The following SPACA7 variants were observed in gnomAD, a reference collection of about 807,000 sequenced individuals.
SPACA7 encodes the protein sperm acrosome-associated protein 7.
Under a neutral mutation model 26.3 loss-of-function variants are expected in SPACA7, and 19 were observed. The observed-to-expected ratio is 0.72, with a 90% CI of 0.50 to 1.06. The LOEUF (loss-of-function observed/expected upper bound fraction) is 1.06. Among genes scored for constraint, SPACA7 ranks in the 50% least tolerant of loss-of-function variants. The probability of loss-of-function intolerance (pLI) is 0.00; values close to 1 mark genes in which losing one functional copy is unlikely to be tolerated. For missense variants in SPACA7, 211 were observed against 229.9 expected (o/e 0.92, Z 0.53); for synonymous variants, 84 against 84.5 (o/e 0.99, Z 0.04).
rs561595370 is a variant in SPACA7, at chr13:112,396,668, A to C, written c.152-1381A>C. Reference sequence around the variant, plus strand: ...ACTGTTTAGGAACTTGGAATTCCTAAGATTGGTGCTTCTGTCCAATCACTG... The same window carrying C: ...ACTGTTTAGGAACTTGGAATTCCTACGATTGGTGCTTCTGTCCAATCACTG... On this transcript the variant is annotated intron_variant, in intron 2 of 6. Transcript: ENST00000283550. Among the ~76,000 whole-genome samples the C allele has an allele frequency of 2.0e-4, 31 of 152,334 alleles. No homozygotes were observed. In the South Asian group the frequency reaches 6.4e-3, roughly 32 times the overall value.
At chr13:112,430,375 AG>A (rs1420700293) in intron 5 of SPACA7, among the ~76,000 whole-genome samples, 2 of 152,208 alleles carry the variant, frequency 1.3e-5, no homozygotes, top group African/African-American at 4.8e-5. Context: ...TCCATCTCTC[AG>A]GGGATCACTG....
chr13:112,403,533 T>C (rs570698428), intron 5 of SPACA7, among the ~76,000 whole-genome samples: 1 of 152,118 alleles, frequency 6.6e-6, no homozygotes, highest in African/African-American at 2.4e-5. Flanking sequence ...ATCCGAACAG[T>C]ACACACTGTA....
At chr13:112,425,163 C>T (rs953190407) in intron 5 of SPACA7, among the ~76,000 whole-genome samples, 5 of 152,166 alleles carry the variant, frequency 3.3e-5, no homozygotes, top group Admixed American at 1.3e-4. Context: ...GTGGCGTGGG[C>T]GCCCGGATCC....
intron 5 of SPACA7, among the ~76,000 whole-genome samples, chr13:112,419,455 C>T (rs1326845505): frequency 6.6e-6 from 1 of 152,154 alleles, no homozygotes; most frequent in African/African-American, 2.4e-5. Context: ...AGACAGGTGA[C>T]CCCTCCCACT....
Position 112,434,507 on chromosome 13 carries a change from G to A in SPACA7, c.546G>A (p.Gln182=), listed in dbSNP as rs148843465. ...RSSGNIFHKE[Q]QRTSAQRRSQ... is the part of the protein sequence containing the mutation. ...CAGGAAACATTTTCCATAAAGAGCA[G>A]CAGAGGACCAGCGCACAGAGGAGGA... The change falls in exon 7 of 7, where the codon CAG becomes CAA. Residue 182 remains glutamine, a synonymous_variant. Coordinates refer to ENST00000283550, the MANE Select transcript of SPACA7 (RefSeq NM_145248.5). 2.5e-6 allele frequency: 4 copies of A among 1,610,872 alleles called. No homozygotes were observed. The highest frequency in any genetic ancestry group is 1.1e-5 in the South Asian group (1 of 90,230).
intron 1 of SPACA7, among the ~76,000 whole-genome samples, chr13:112,389,920 C>T (rs1884766346): frequency 6.6e-6 from 1 of 152,212 alleles, no homozygotes; most frequent in Admixed American, 6.5e-5. Flanking sequence ...TTCTTTTCCC[C>T]TGATATTATT....
intron 1 of SPACA7, among the ~76,000 whole-genome samples, chr13:112,391,790 C>T (rs953853790): frequency 4.6e-5 from 7 of 152,190 alleles, no homozygotes; most frequent in South Asian, 4.1e-4. Context: ...AGCACTTGCA[C>T]GATGCAGCTG....
At chr13:112,408,345 C>T (rs1035562259) in intron 5 of SPACA7, among the ~76,000 whole-genome samples, 17 of 152,124 alleles carry the variant, frequency 1.1e-4, no homozygotes, top group African/African-American at 3.9e-4. Context: ...TCCTATTCAA[C>T]ATAGTGTTGG....
intron 5 of SPACA7, among the ~76,000 whole-genome samples, chr13:112,415,853 G>A (rs913548498): frequency 6.6e-5 from 10 of 152,192 alleles, no homozygotes; most frequent in South Asian, 2.1e-4. Flanking sequence ...GCAGGGCAGC[G>A]ATTCTCCTCT....
chr13:112,394,151 C>T (rs1205145532), intron 2 of SPACA7, among the ~76,000 whole-genome samples: 23 of 152,194 alleles, frequency 1.5e-4, no homozygotes, highest in Non-Finnish European at 2.9e-4. Flanking sequence ...GCCATTTCCA[C>T]GTGGACAGCC....
chr13:112,414,388 C>CTTTTTTTTTTTTTTTTTTTTTTTTTT lies in SPACA7; in HGVS notation c.445+13239_445+13264dup, dbSNP rs869183760. ...AAGTTTCTGAATGGCTTTTCTGTGT[C>CTTTTTTTTTTTTTTTTTTTTTTTTTT]TTTTTTTTTTTTTTTTTTTTTTTTT... On this transcript the variant is annotated intron_variant, in intron 5 of 6. Coordinates refer to ENST00000283550, the MANE Select transcript of SPACA7 (RefSeq NM_145248.5). Among the ~76,000 whole-genome samples, 4 of 31,376 alleles carry CTTTTTTTTTTTTTTTTTTTTTTTTTT rather than the reference C, an allele frequency of 1.3e-4. 2 individuals carry two copies. The highest frequency in any genetic ancestry group is 2.3e-4 in the Non-Finnish European group (4 of 17,230). 20.6% of individuals were successfully genotyped at this position (31,376 alleles called of 152,430 possible).
At chr13:112,383,129 G>GAA (rs751182755) in intron 1 of SPACA7, among the ~76,000 whole-genome samples, 2,585 of 8,258 alleles carry the variant, frequency 0.31, 117 homozygotes, top group Middle Eastern at 0.75. Context: ...AGAAAAGAAA[G>GAA]AAAGAAAGAA....
At position 112,376,458 on chromosome 13, in the gene SPACA7, C is replaced by T. The variant is rs376712879; in HGVS notation, c.73C>T (p.Arg25Trp). Residue 25 changes from arginine to tryptophan, a missense_variant, in exon 1 of 7, where the codon CGG (arginine) becomes TGG (tryptophan). Coordinates refer to ENST00000283550, the MANE Select transcript of SPACA7 (RefSeq NM_145248.5). ...GTGCTGTTGGCAAGAAACTGAGCTC[C>T]GGCCGAGAACCGTGATTCCAGGTAG... The part of the protein sequence containing the change: ...LLCCWQETEL[R>W]PRTVIPGSPT... 40 of 1,613,360 alleles carry T rather than the reference C, an allele frequency of 2.5e-5. No homozygotes were observed. Among genetic ancestry groups the T allele is most frequent in the East Asian group, 1.8e-4 (8 of 44,838 alleles).
chr13:112,430,294 C>T lies in SPACA7; in HGVS notation c.446-2150C>T, dbSNP rs78526971. 3.3e-3 allele frequency among the ~76,000 whole-genome samples: 505 copies of T among 152,142 alleles called. 1 individual carries two copies. Among genetic ancestry groups the T allele is most frequent in the African/African-American group, 0.012 (481 of 41,476 alleles). ...GATCACTGGGCTCTGCGTAAGTTCTCACTCCTAATGCTGCCCTGGAAACTC... is the reference window on the plus strand; with the variant it reads ...GATCACTGGGCTCTGCGTAAGTTCTTACTCCTAATGCTGCCCTGGAAACTC... On this transcript the variant is annotated intron_variant, in intron 5 of 6. Coordinates refer to ENST00000283550, the MANE Select transcript of SPACA7 (RefSeq NM_145248.5).
chr13:112,390,309 G>A (rs1016919682), intron 1 of SPACA7, among the ~76,000 whole-genome samples: 1 of 152,126 alleles, frequency 6.6e-6, no homozygotes, highest in African/African-American at 2.4e-5. Flanking sequence ...GCAAAGTCAC[G>A]GCAAAAAGGA....
intron 6 of SPACA7, among the ~76,000 whole-genome samples, chr13:112,434,176 G>A (rs1324463442): frequency 3.3e-5 from 5 of 152,184 alleles, no homozygotes; most frequent in South Asian, 4.1e-4. Flanking sequence ...ACAGCCGGCC[G>A]CCATGAGGGG....
rs552732014 is a variant in SPACA7, at chr13:112,404,574, T to A, written c.445+3410T>A. The stretch of plus-strand genomic sequence containing the variant: ...GTCTTAAATTTAAGTCCTTTATCCA[T>A]CTTGAGTTGATTTTTGTATAAGCTG... On this transcript the variant is annotated intron_variant, in intron 5 of 6. Transcript: ENST00000283550. Among the ~76,000 whole-genome samples, 18 of 152,362 alleles carry A rather than the reference T, an allele frequency of 1.2e-4. 1 individual carries two copies. In the South Asian group the frequency reaches 3.5e-3, roughly 30 times the overall value.
chr13:112,431,597 A>G (rs912145961), intron 5 of SPACA7, among the ~76,000 whole-genome samples: 3 of 152,210 alleles, frequency 2.0e-5, no homozygotes, highest in Non-Finnish European at 4.4e-5. Context: ...TTTCCAAGAA[A>G]TGAGACTGAG....
At chr13:112,409,943 A>G (rs1886239161) in intron 5 of SPACA7, among the ~76,000 whole-genome samples, 1 of 152,232 alleles carries the variant, frequency 6.6e-6, no homozygotes, top group Admixed American at 6.5e-5. Context: ...ACTATTCACA[A>G]TAGCAAAGAC....
Sources: gnomAD v4.1 joint callset for allele counts (sites outside exome capture counted in the v4.1 genomes callset) on GRCh38, gnomAD v4.1.1 for gene constraint, MANE v1.5 for transcripts, NCBI Gene and HGNC (gene_info 2026-07-23, HGNC 2026-07-21) for gene names.